Variants in VGLL4 observed in about 807,000 individuals in gnomAD.
VGLL4 encodes the protein vestigial like family member 4, also known as transcription cofactor vestigial-like protein 4.
A neutral mutation model predicts 21.0 loss-of-function variants in VGLL4; 7 were observed. The observed-to-expected ratio is 0.33, with a 90% CI of 0.19 to 0.63. VGLL4 has a LOEUF of 0.63. Among genes scored for constraint, VGLL4 ranks in the 20% least tolerant of loss-of-function variants. The pLI is 0.78. For synonymous variants in VGLL4, 222 were observed against 173.2 expected, an observed-to-expected ratio of 1.28 and a Z score of -2.21; for missense variants, 394 against 425.7, an observed-to-expected ratio of 0.93 and a Z score of 0.66.
At chr3:11,621,418 C>T (rs1036102744) in intron 1 of VGLL4, among the ~76,000 whole-genome samples, 31 of 152,110 alleles carry the variant, frequency 2.0e-4, no homozygotes, top group Non-Finnish European at 3.7e-4. Flanking sequence ...TAAACTCAAT[C>T]ATATAATGAT....
chr3:11,619,557 C>G (rs1338765622), intron 1 of VGLL4, among the ~76,000 whole-genome samples: 3 of 152,168 alleles, frequency 2.0e-5, no homozygotes, highest in East Asian at 3.9e-4. Context: ...TCTCACTTCC[C>G]TGGTGGGCTA....
rs530851142 is a variant in VGLL4, at chr3:11,601,848, A to G, written c.257T>C (p.Ile86Thr). Residue 86 changes from isoleucine to threonine, a missense_variant, in exon 2 of 5, where the codon ATC (isoleucine) becomes ACC (threonine). Physicochemically the swap from Ile to Thr is moderately conservative, Grantham distance 89. Transcript: ENST00000430365. Reference sequence around the variant, plus strand: ...AGGAACTCACAGATGGGGGTTGAAGATGCGACTCATTTTGGAGACGTGGTC... The same window carrying G: ...AGGAACTCACAGATGGGGGTTGAAGGTGCGACTCATTTTGGAGACGTGGTC... ...DNDHVSKMSR[I>T]FNPHLNKTAN... The G allele has an allele frequency of 2.5e-6, 4 of 1,613,806 alleles. No homozygotes were observed. In the South Asian group the frequency reaches 3.3e-5, roughly 13 times the overall value.
At chr3:11,581,414 A>G (rs2074221187) in intron 2 of VGLL4, among the ~76,000 whole-genome samples, 1 of 152,100 alleles carries the variant, frequency 6.6e-6, no homozygotes, top group Admixed American at 6.6e-5. Flanking sequence ...CGAATGATGA[A>G]ACTAAAACCC....
At chr3:11,680,162 C>CA (rs1312515934) in intron 2 of VGLL4, among the ~76,000 whole-genome samples, 3 of 152,226 alleles carry the variant, frequency 2.0e-5, no homozygotes, top group Non-Finnish European at 4.4e-5. Flanking sequence ...GGTGATCCCA[C>CA]ACAGCCTAGG....
chr3:11,597,214 A>G (rs1246180722), intron 2 of VGLL4, among the ~76,000 whole-genome samples: 1 of 152,014 alleles, frequency 6.6e-6, no homozygotes, highest in East Asian at 1.9e-4. Flanking sequence ...GCTCTTTCTT[A>G]CCAGATTGCA....
At chr3:11,648,020 CCTT>C (rs1277582158), upstream of VGLL4, among the ~76,000 whole-genome samples, 1 of 151,598 alleles carries the variant, frequency 6.6e-6, no homozygotes, top group African/African-American at 2.4e-5. Context: ...AAATATCAAT[CCTT>C]CTCAGATTCA....
Position 11,643,739 on chromosome 3 carries a change from G to A in VGLL4, c.-221C>T. The stretch of plus-strand genomic sequence containing the variant: ...CCCTTCAAGGGCTTACTGGTAGACG[G>A]TGTATGTACTGTATCCCCGATCGAG... On this transcript the variant is annotated 5_prime_UTR_variant, in exon 1 of 5. Transcript: ENST00000430365. 1.5e-6 allele frequency: 2 copies of A among 1,349,952 alleles called. No homozygotes were observed. Among genetic ancestry groups the A allele is most frequent in the Non-Finnish European group, 9.5e-7 (1 of 1,051,576 alleles). The allele number at this position is 1,349,952 out of a possible 1,614,324, so 83.6% of individuals were successfully genotyped here.
In VGLL4 at chr3:11,565,640, C is replaced by A. The variant is rs2073447608; in HGVS notation, c.273-621G>T. ...GGGGTTCCCGGGGTGCTGTAGGGAG[C>A]CGGCGCGCAGCTCTCTCGTCCAGGA... On this transcript the variant is annotated intron_variant, in intron 2 of 4. Transcript: ENST00000430365. The surrounding 1 kb of genome is among the most constrained non-coding windows in gnomAD (Gnocchi z 4.1). Among the ~76,000 whole-genome samples, 1 of 152,172 alleles carries A rather than the reference C, an allele frequency of 6.6e-6. No individual in the cohort carries two copies. The highest frequency in any genetic ancestry group is 2.1e-4 in the South Asian group (1 of 4,828).
At chr3:11,571,802 G>A (rs899521367) in intron 2 of VGLL4, among the ~76,000 whole-genome samples, 5 of 152,094 alleles carry the variant, frequency 3.3e-5, no homozygotes, top group Non-Finnish European at 5.9e-5. Context: ...TGTGGCTTGC[G>A]GTCCCAGCGT....
At chr3:11,575,586 A>G (rs1472794146) in intron 2 of VGLL4, among the ~76,000 whole-genome samples, 1 of 152,232 alleles carries the variant, frequency 6.6e-6, no homozygotes, top group Non-Finnish European at 1.5e-5. Context: ...ATCCGGAACC[A>G]CAGTGTGCAC....
chr3:11,592,671 T>C (rs1045626476), intron 2 of VGLL4, among the ~76,000 whole-genome samples: 2 of 152,180 alleles, frequency 1.3e-5, no homozygotes, highest in Non-Finnish European at 2.9e-5. Context: ...TTAGCATAAA[T>C]ATCCCATGGT....
chr3:11,632,322 A>T (rs1406388518), intron 1 of VGLL4, among the ~76,000 whole-genome samples: 1 of 152,170 alleles, frequency 6.6e-6, no homozygotes, highest in East Asian at 1.9e-4. Context: ...CAAAAATAAA[A>T]AAAAAATAAA....
In VGLL4 at chr3:11,601,840, G is replaced by A. The variant is rs775333035; in HGVS notation, c.265C>T (p.Pro89Ser). Residue 89 changes from proline (P) to serine (S), a missense_variant, in exon 2 of 5, where the codon CCC becomes TCC. Transcript: ENST00000430365. ...HVSKMSRIFN[P>S]HLNKTANGDC... ...AAGAACAGAGGAACTCACAGATGGG[G>A]GTTGAAGATGCGACTCATTTTGGAG... 9 of 1,613,698 alleles carry A rather than the reference G, an allele frequency of 5.6e-6. No individual in the cohort carries two copies. Among genetic ancestry groups the A allele is most frequent in the Non-Finnish European group, 6.8e-6 (8 of 1,179,782 alleles).
rs74344864 is a variant in VGLL4 at position 11,682,080 on chromosome 3, G to A, written c.64+20891C>T. ...TCGAGACCAGTCTGGCCAACAAGGC[G>A]AAATGCTGTCTCTAATAAAATTACA... On this transcript the variant is annotated intron_variant, in intron 2 of 5. Transcript: ENST00000273038. Among the ~76,000 whole-genome samples the A allele has an allele frequency of 2.9e-3, 445 of 152,234 alleles. 4 individuals are homozygous for A. Among genetic ancestry groups the A allele is most frequent in the African/African-American group, 0.01 (416 of 41,542 alleles).
At chr3:11,581,953 C>G (rs1349764665) in intron 2 of VGLL4, among the ~76,000 whole-genome samples, 1 of 152,202 alleles carries the variant, frequency 6.6e-6, no homozygotes, top group East Asian at 1.9e-4. Context: ...ACTTCCAATC[C>G]ATGAAGGAAA....
chr3:11,588,094 G>A (rs1032407058), intron 2 of VGLL4, among the ~76,000 whole-genome samples: 2 of 152,218 alleles, frequency 1.3e-5, no homozygotes, highest in Middle Eastern at 3.2e-3. Flanking sequence ...GTTTATGTGG[G>A]CTTAAAAGTG....
At chr3:11,567,367 A>G (rs778521589) in intron 2 of VGLL4, among the ~76,000 whole-genome samples, 6 of 152,108 alleles carry the variant, frequency 3.9e-5, no homozygotes, top group African/African-American at 7.2e-5. Flanking sequence ...AGGACCCAGT[A>G]TTCGTTTATG....
intron 3 of VGLL4, among the ~76,000 whole-genome samples, chr3:11,559,819 A>G (rs2072807640): frequency 6.6e-6 from 1 of 152,182 alleles, no homozygotes; most frequent in Non-Finnish European, 1.5e-5. Flanking sequence ...TAACGTCCCC[A>G]GAGCCCTTCC....
chr3:11,620,786 C>T (rs1180631141), intron 1 of VGLL4, among the ~76,000 whole-genome samples: 1 of 152,178 alleles, frequency 6.6e-6, no homozygotes, highest in Non-Finnish European at 1.5e-5. Flanking sequence ...ACCCCCAGGA[C>T]CCGACCGTCC....
Sources: allele counts gnomAD v4.1 joint callset (sites outside exome capture counted in the v4.1 genomes callset), GRCh38; gene constraint gnomAD v4.1.1; non-coding constraint Gnocchi (gnomAD v3.1); transcripts MANE v1.5; gene names NCBI Gene and HGNC (gene_info 2026-07-23, HGNC 2026-07-21).